The following RGSL1 variants were observed in gnomAD, a reference collection of about 807,000 sequenced individuals.
The protein encoded by RGSL1 is regulator of G protein signaling protein-like.
RGSL1 carries 97 observed loss-of-function variants against 124.7 expected under a neutral mutation model. The observed-to-expected ratio is 0.78, with a 90% CI of 0.66 to 0.92. The LOEUF (loss-of-function observed/expected upper bound fraction) is 0.92. Among genes scored for constraint, RGSL1 ranks in the 40% least tolerant of loss-of-function variants. The pLI is 0.00. For missense variants in RGSL1, 1,233 were observed against 1,288.4 expected, an observed-to-expected ratio of 0.96 and a Z score of 0.66; for synonymous variants, 424 against 438.1, an observed-to-expected ratio of 0.97 and a Z score of 0.40.
intron 14 of RGSL1, among the ~76,000 whole-genome samples, chr1:182,534,029 G>A (rs1425477008): frequency 1.3e-5 from 2 of 152,196 alleles, no homozygotes; most frequent in African/African-American, 4.8e-5. Flanking sequence ...TGCTTGAGAT[G>A]AGACTGGAAG....
upstream of RGSL1, chr1:182,450,128 C>A: frequency 6.4e-7 from 1 of 1,551,550 alleles, no homozygotes; most frequent in Non-Finnish European, 8.7e-7. Context: ...GGTAATTCTG[C>A]CCCTAACAAA....
Position 182,530,886 on chromosome 1 carries a change from G to A in RGSL1, c.2340G>A (p.Val780=). The change falls in exon 13 of 22, where the codon GTG becomes GTA. Residue 780 remains valine (V), a synonymous_variant. Coordinates refer to ENST00000294854, the MANE Select transcript of RGSL1 (RefSeq NM_001137669.2). ...CGTCTAGGAAGCCCTCAAAGATAGT[G>A]TCAACTTACCTACAGGAATCCCAGG... is the stretch of plus-strand genomic sequence containing the variant. The part of the protein sequence containing the change: ...QISSRKPSKI[V]STYLQESQKK... The A allele has an allele frequency of 6.5e-7, 1 of 1,549,586 alleles. No homozygotes were observed. Among genetic ancestry groups the A allele is most frequent in the Non-Finnish European group, 8.7e-7 (1 of 1,145,920 alleles).
intron 19 of RGSL1, among the ~76,000 whole-genome samples, chr1:182,554,036 A>ATTC (rs1159079283): frequency 6.6e-6 from 1 of 152,074 alleles, no homozygotes; most frequent in African/African-American, 2.4e-5. Context: ...GCCATATTAT[A>ATTC]TTCTTTTTCT....
chr1:182,456,215 G>C (rs956337525), intron 2 of RGSL1, among the ~76,000 whole-genome samples: 10 of 152,098 alleles, frequency 6.6e-5, no homozygotes, highest in African/African-American at 2.4e-4. Context: ...TAAGGAAAAG[G>C]CCTCTCGGGG....
chr1:182,516,183 G>C (rs1317616287), intron 9 of RGSL1, among the ~76,000 whole-genome samples: 2 of 152,220 alleles, frequency 1.3e-5, no homozygotes, highest in Non-Finnish European at 2.9e-5. Flanking sequence ...CCACAGGAAA[G>C]AGAGAGGTGG....
chr1:182,531,453 A>C lies in RGSL1; in HGVS notation c.2364+543A>C, dbSNP rs145498206. ...CAGGAAAGTCTCTATGGTTTGAGAA[A>C]AACAACAACAAAAAAATACATGCCC... On this transcript the variant is annotated intron_variant, in intron 13 of 21. Transcript: ENST00000294854. 7.3e-3 allele frequency among the ~76,000 whole-genome samples: 1,109 copies of C among 152,326 alleles called. 15 individuals carry two copies. Among genetic ancestry groups the C allele is most frequent in the Middle Eastern group, 0.027 (8 of 294 alleles).
intron 6 of RGSL1, among the ~76,000 whole-genome samples, chr1:182,476,331 C>G (rs749605406): frequency 6.6e-6 from 1 of 152,104 alleles, no homozygotes; most frequent in Non-Finnish European, 1.5e-5. Context: ...GATATTTGTA[C>G]GTGGAGAAGA....
At position 182,474,318 on chromosome 1, in the gene RGSL1, T is replaced by C. The variant is rs976780916; in HGVS notation, c.1207T>C (p.Trp403Arg). The C allele has an allele frequency of 4.5e-6, 7 of 1,551,806 alleles. No individual in the cohort carries two copies. Among genetic ancestry groups the C allele is most frequent in the Non-Finnish European group, 6.1e-6 (7 of 1,147,004 alleles). The change falls in exon 6 of 22, where the codon TGG becomes CGG. Residue 403 changes from tryptophan (W) to arginine (R), a missense_variant. By Grantham distance (101) the Trp-to-Arg change is moderately radical (BLOSUM62 -3). Coordinates refer to ENST00000294854, the MANE Select transcript of RGSL1 (RefSeq NM_001137669.2). The stretch of plus-strand genomic sequence containing the variant: ...AGTGGAGATCCAACTTCTTGACCTC[T>C]GGCAGGACTTGCAGCATTTCCTCAG... Reference protein sequence around the residue: ...LKVEIQLLDLWQDLQHFLSVL... With the variant: ...LKVEIQLLDLRQDLQHFLSVL...
chr1:182,453,990 C>A lies in RGSL1; in HGVS notation c.46C>A (p.Leu16Ile). Residue 16 changes from leucine (L) to isoleucine (I), a missense_variant, in exon 2 of 22, where the codon CTA becomes ATA. Coordinates refer to ENST00000294854, the MANE Select transcript of RGSL1 (RefSeq NM_001137669.2). ...IIGSTNLIILLEDEVFADFFN... is the reference protein window; with the variant it reads ...IIGSTNLIILIEDEVFADFFN... ...TGGTTCTACAAATCTTATAATTCTG[C>A]TAGAGGATGAAGTCTTTGCCGATTT... 6.5e-7 allele frequency: 1 copy of A among 1,534,604 alleles called. No homozygotes were observed. The highest frequency in any genetic ancestry group is 1.2e-5 in the South Asian group (1 of 83,726).
intron 14 of RGSL1, among the ~76,000 whole-genome samples, 180 bp downstream of exon 14, chr1:182,532,971 G>T: frequency 6.6e-6 from 1 of 152,086 alleles, no homozygotes; most frequent in Non-Finnish European, 1.5e-5. Context: ...AAGACCAGAG[G>T]CCTCTGCTTA....
At chr1:182,547,711 AT>A (rs1199621346) in intron 15 of RGSL1, among the ~76,000 whole-genome samples, 6 of 151,958 alleles carry the variant, frequency 3.9e-5, no homozygotes, top group African/African-American at 1.5e-4. Context: ...AATACAAAAA[AT>A]TAGCCAGGTG....
chr1:182,536,259 A>G (rs181258748), intron 14 of RGSL1, among the ~76,000 whole-genome samples: 2 of 152,308 alleles, frequency 1.3e-5, no homozygotes, highest in African/African-American at 4.8e-5. Context: ...TGCTATGAAT[A>G]TTCAAGCAGA....
At position 182,539,984 on chromosome 1, in the gene RGSL1, G is replaced by A. The variant is rs925782525; in HGVS notation, c.2495-263G>A. On this transcript the variant is annotated intron_variant, in intron 14 of 21. Transcript: ENST00000294854. Reference sequence around the variant, plus strand: ...CTCTGCAGAAACCTTAGGGATTAGCGTAACTGTGGTGTGCTTCTATTTCTA... The same window carrying A: ...CTCTGCAGAAACCTTAGGGATTAGCATAACTGTGGTGTGCTTCTATTTCTA... 3.9e-5 allele frequency among the ~76,000 whole-genome samples: 6 copies of A among 152,194 alleles called. No individual in the cohort carries two copies. The East Asian group carries it at 5.8e-4, about 15-fold the overall frequency.
chr1:182,481,189 C>T (rs2102063933), intron 6 of RGSL1, among the ~76,000 whole-genome samples: 1 of 149,304 alleles, frequency 6.7e-6, no homozygotes, highest in African/African-American at 2.5e-5. Context: ...TAAATGAAAC[C>T]AACAAATCCT....
Position 182,540,387 on chromosome 1 carries a change from A to G in RGSL1, c.2635A>G (p.Ile879Val). The part of the protein sequence containing the change: ...GHRIITVNFA[I>V]NDLYFFSEME... Reference sequence around the variant, plus strand: ...CAGGATTATCACTGTCAACTTTGCGATCAATGATCTATATTTCTTTTCTGA... The same window carrying G: ...CAGGATTATCACTGTCAACTTTGCGGTCAATGATCTATATTTCTTTTCTGA... The change falls in exon 15 of 22, where the codon ATC (isoleucine) becomes GTC (valine). Residue 879 changes from isoleucine (I) to valine (V), a missense_variant. Physicochemically the swap from Ile to Val is conservative, Grantham distance 29 (BLOSUM62 3). Transcript: ENST00000294854. The G allele has an allele frequency of 6.4e-7, 1 of 1,551,032 alleles. No individual in the cohort carries two copies. Among genetic ancestry groups the G allele is most frequent in the Non-Finnish European group, 8.7e-7 (1 of 1,146,604 alleles).
At chr1:182,478,595 T>C (rs1047339526) in intron 6 of RGSL1, among the ~76,000 whole-genome samples, 4 of 152,134 alleles carry the variant, frequency 2.6e-5, no homozygotes, top group African/African-American at 9.7e-5. Flanking sequence ...AAAGGACTTA[T>C]GGGACACCAT....
intron 9 of RGSL1, among the ~76,000 whole-genome samples, chr1:182,494,256 G>A (rs996174942): frequency 6.6e-6 from 1 of 152,156 alleles, no homozygotes; most frequent in Non-Finnish European, 1.5e-5. Context: ...TACCCTATCA[G>A]TACAGTGACT....
At chr1:182,520,016 T>C (rs539321833) in intron 9 of RGSL1, among the ~76,000 whole-genome samples, 40 of 152,336 alleles carry the variant, frequency 2.6e-4, no homozygotes, top group Non-Finnish European at 5.3e-4. Flanking sequence ...TCTGTGCTTA[T>C]TTCAAGTGCC....
At chr1:182,523,203 T>TTTC (rs1454988554) in intron 10 of RGSL1, among the ~76,000 whole-genome samples, 2 of 147,834 alleles carry the variant, frequency 1.4e-5, no homozygotes, top group African/African-American at 2.5e-5. Flanking sequence ...TGCCTGTTTT[T>TTTC]TTTTCTTTTT....
Sources: gnomAD v4.1 joint callset for allele counts (sites outside exome capture counted in the v4.1 genomes callset) on GRCh38, gnomAD v4.1.1 for gene constraint, MANE v1.5 for transcripts, NCBI Gene and HGNC (gene_info 2026-07-23, HGNC 2026-07-21) for gene names.